The following HS6ST3 variants were observed in gnomAD, a reference collection of about 807,000 sequenced individuals.
HS6ST3 encodes the protein heparan sulfate 6-O-sulfotransferase 3.
HS6ST3 carries 12 observed loss-of-function variants against 36.7 expected under a neutral mutation model. That is an observed-to-expected ratio of 0.33 (90% confidence interval 0.21 to 0.53). HS6ST3 has a LOEUF of 0.53. HS6ST3 is among the 20% of genes least tolerant of loss of function. The pLI is 0.95. For missense variants in HS6ST3, 584 were observed against 640.9 expected, an observed-to-expected ratio of 0.91 and a Z score of 0.96; for synonymous variants, 240 against 257.5, an observed-to-expected ratio of 0.93 and a Z score of 0.65.
chr13:96,590,119 A>G (rs1182449849), intron 1 of HS6ST3, among the ~76,000 whole-genome samples: 1 of 152,114 alleles, frequency 6.6e-6, no homozygotes, highest in African/African-American at 2.4e-5. Flanking sequence ...CATCTTGGCT[A>G]ATGTGAATAG....
At chr13:96,303,864 A>G (rs1033477724) in intron 1 of HS6ST3, among the ~76,000 whole-genome samples, 10 of 152,126 alleles carry the variant, frequency 6.6e-5, no homozygotes, top group African/African-American at 2.4e-4. Context: ...TGACTTGGGT[A>G]GGGCTCAGTG....
intron 1 of HS6ST3, among the ~76,000 whole-genome samples, chr13:96,303,416 G>A (rs1244012234): frequency 6.6e-6 from 1 of 152,130 alleles, no homozygotes; most frequent in Non-Finnish European, 1.5e-5. Context: ...GGAAGGAGAA[G>A]GGGCTAAGTG....
At chr13:96,359,208 A>G (rs919817822) in intron 1 of HS6ST3, among the ~76,000 whole-genome samples, 1 of 152,086 alleles carries the variant, frequency 6.6e-6, no homozygotes, top group African/African-American at 2.4e-5. Flanking sequence ...CTAGAAACAA[A>G]TACATTATGA....
At chr13:96,484,744 T>C (rs891212796) in intron 1 of HS6ST3, among the ~76,000 whole-genome samples, 18 of 152,178 alleles carry the variant, frequency 1.2e-4, no homozygotes, top group Admixed American at 1.1e-3. Context: ...TATCCATTCA[T>C]CCATTGATGG....
chr13:96,165,690 C>A (rs1427878591), intron 1 of HS6ST3, among the ~76,000 whole-genome samples: 2 of 152,064 alleles, frequency 1.3e-5, no homozygotes, highest in Non-Finnish European at 2.9e-5. Context: ...GGAAAGAGAC[C>A]AAGCAAACTA....
chr13:96,373,962 G>A (rs2055302783), intron 1 of HS6ST3, among the ~76,000 whole-genome samples: 1 of 152,110 alleles, frequency 6.6e-6, no homozygotes, highest in Non-Finnish European at 1.5e-5. Flanking sequence ...TGCTAATCAT[G>A]CTCTGCATTC....
At chr13:96,820,854 A>G (rs1004478425) in intron 1 of HS6ST3, among the ~76,000 whole-genome samples, 1 of 152,238 alleles carries the variant, frequency 6.6e-6, no homozygotes, top group Non-Finnish European at 1.5e-5. Flanking sequence ...GGATTCAGCA[A>G]CCTTCTCTGA....
chr13:96,658,296 T>TTTTTTTTC lies in HS6ST3; in HGVS notation c.708-174192_708-174191insTTTTTCTT, dbSNP rs1467303957. On this transcript the variant is annotated intron_variant, in intron 1 of 1. Coordinates refer to ENST00000376705, the MANE Select transcript of HS6ST3 (RefSeq NM_153456.4). ...TTTTTTTTTTTTTTTTTTTTTTTTT[T>TTTTTTTTC]TTGAGATGGCGTCTCACTCTGTTAC... Among the ~76,000 whole-genome samples, 36 of 87,426 alleles carry TTTTTTTTC rather than the reference T, an allele frequency of 4.1e-4. 1 individual carries two copies. Among genetic ancestry groups the TTTTTTTTC allele is most frequent in the African/African-American group, 1.3e-3 (33 of 24,814 alleles). 57.4% of individuals were successfully genotyped at this position (87,426 alleles called of 152,430 possible).
intron 1 of HS6ST3, among the ~76,000 whole-genome samples, chr13:96,503,029 C>T (rs1232893816): frequency 6.6e-6 from 1 of 152,156 alleles, no homozygotes; most frequent in East Asian, 1.9e-4. Context: ...AGCAGATTCA[C>T]TGTCTATGCT....
chr13:96,715,207 A>G (rs1875663557), intron 1 of HS6ST3, among the ~76,000 whole-genome samples: 1 of 152,120 alleles, frequency 6.6e-6, no homozygotes. Context: ...AAATTGGCAA[A>G]CTAGTTACTT....
At chr13:96,436,844 T>C (rs372636613) in intron 1 of HS6ST3, among the ~76,000 whole-genome samples, 1 of 152,142 alleles carries the variant, frequency 6.6e-6, no homozygotes, top group South Asian at 2.1e-4. Flanking sequence ...ACCCAGTCCA[T>C]GGTATTTTTG....
At chr13:96,245,591 T>C (rs1397890027) in intron 1 of HS6ST3, among the ~76,000 whole-genome samples, 4 of 152,138 alleles carry the variant, frequency 2.6e-5, no homozygotes, top group African/African-American at 9.7e-5. Context: ...GATGTCAAGT[T>C]ATCCTTTTTC....
chr13:96,550,581 T>C (rs921943719), intron 1 of HS6ST3, among the ~76,000 whole-genome samples: 19 of 152,160 alleles, frequency 1.2e-4, no homozygotes, highest in African/African-American at 4.1e-4. Context: ...CACCAGTACT[T>C]ATTAAATCAA....
chr13:96,097,274 GTCTTAGAC>G (rs1186380555), intron 1 of HS6ST3, among the ~76,000 whole-genome samples: 2 of 152,074 alleles, frequency 1.3e-5, no homozygotes, highest in Non-Finnish European at 2.9e-5. Context: ...GATTTGCTTA[GTCTTAGAC>G]TCTTATATTA....
chr13:96,684,779 A>T (rs756139826), intron 1 of HS6ST3, among the ~76,000 whole-genome samples: 3 of 152,080 alleles, frequency 2.0e-5, no homozygotes, highest in Non-Finnish European at 4.4e-5. Context: ...ATTACAATGC[A>T]CTTCACAGTG....
intron 1 of HS6ST3, among the ~76,000 whole-genome samples, chr13:96,683,662 C>T (rs1451450402): frequency 6.6e-6 from 1 of 152,002 alleles, no homozygotes; most frequent in Admixed American, 6.6e-5. Flanking sequence ...AGAATAGTGT[C>T]TCATCATATG....
At chr13:96,363,962 A>G (rs2055251483) in intron 1 of HS6ST3, among the ~76,000 whole-genome samples, 1 of 152,186 alleles carries the variant, frequency 6.6e-6, no homozygotes, top group African/African-American at 2.4e-5. Flanking sequence ...AGAAAAGAAA[A>G]ATACACCTTT....
At chr13:96,503,720 C>T (rs2056014837) in intron 1 of HS6ST3, among the ~76,000 whole-genome samples, 1 of 152,178 alleles carries the variant, frequency 6.6e-6, no homozygotes, top group African/African-American at 2.4e-5. Context: ...TCTTATCTGC[C>T]ATGCCATGTG....
At chr13:96,474,702 G>GA (rs1406497230) in intron 1 of HS6ST3, among the ~76,000 whole-genome samples, 14 of 152,184 alleles carry the variant, frequency 9.2e-5, no homozygotes, top group African/African-American at 3.4e-4. Context: ...CAGAAGCCCA[G>GA]AAAAAACGAC....
Sources: gnomAD v4.1 joint callset for allele counts (sites outside exome capture counted in the v4.1 genomes callset) on GRCh38, gnomAD v4.1.1 for gene constraint, MANE v1.5 for transcripts, NCBI Gene and HGNC (gene_info 2026-07-23, HGNC 2026-07-21) for gene names.